ZNF439: variants seen among roughly 807,000 people sequenced by gnomAD.
The protein encoded by ZNF439 is zinc finger protein 439.
In ZNF439, 40 loss-of-function variants were observed where a neutral mutation model predicts 47.3. That is an observed-to-expected ratio of 0.85 (90% CI 0.66 to 1.10). The LOEUF is 1.10. Ranked by LOEUF, ZNF439 falls within the 50% of genes least tolerant of loss-of-function variation. ZNF439 has a pLI of 0.00. For missense variants in ZNF439, 556 were observed against 601.1 expected (o/e 0.93, Z 0.78); for synonymous variants, 171 against 198.8 (o/e 0.86, Z 1.18).
At chr19:11,862,745 G>GTT (rs1009880944) in intron 1 of ZNF439, among the ~76,000 whole-genome samples, 2 of 146,936 alleles carry the variant, frequency 1.4e-5, no homozygotes, top group East Asian at 2.0e-4. Flanking sequence ...GTTTTCTGTT[G>GTT]TTTTTTTTTT....
At chr19:11,851,560 C>G (rs1976241780) in intron 1 of ZNF439, among the ~76,000 whole-genome samples, 1 of 152,096 alleles carries the variant, frequency 6.6e-6, no homozygotes, top group South Asian at 2.1e-4. Context: ...CTCTGGCTCC[C>G]CTAGGCACCT....
chr19:11,858,481 AAAG>A (rs1271501358), intron 1 of ZNF439, among the ~76,000 whole-genome samples: 20 of 136,764 alleles, frequency 1.5e-4, no homozygotes, highest in African/African-American at 3.4e-4. Context: ...AAAAAAAAAA[AAAG>A]GGGGTCTATT....
intron 1 of ZNF439, chr19:11,855,894 C>T (rs1006569139): frequency 1.3e-5 from 2 of 152,328 alleles, no homozygotes; most frequent in African/African-American, 4.8e-5. Context: ...CGTCTTCACA[C>T]TCAGGCTCAG....
intron 1 of ZNF439, among the ~76,000 whole-genome samples, chr19:11,864,348 A>G (rs1018727383): frequency 6.6e-6 from 1 of 152,126 alleles, no homozygotes; most frequent in Non-Finnish European, 1.5e-5. Flanking sequence ...CCCAGGCTAG[A>G]GTGCAATGGT....
chr19:11,858,640 G>A (rs968883146), intron 1 of ZNF439, among the ~76,000 whole-genome samples: 8 of 152,122 alleles, frequency 5.3e-5, no homozygotes, highest in African/African-American at 1.4e-4. Context: ...ACAAACACTG[G>A]TGAATTCCAG....
intron 1 of ZNF439, among the ~76,000 whole-genome samples, chr19:11,863,152 CT>C (rs34655587): frequency 0.073 from 6,558 of 89,798 alleles, 50 homozygotes; most frequent in Non-Finnish European, 0.11. Flanking sequence ...AAAGATTTTG[CT>C]TTTTTTTTTT....
intron 1 of ZNF439, 31 bp from the exon 2 acceptor site, chr19:11,866,174 C>T (rs1976675971): frequency 6.2e-7 from 1 of 1,613,698 alleles, no homozygotes; most frequent in South Asian, 1.1e-5. Flanking sequence ...CACTCTCACC[C>T]ATCCTCCTCT....
At chr19:11,851,830 T>C (rs1976252055) in intron 1 of ZNF439, among the ~76,000 whole-genome samples, 1 of 152,090 alleles carries the variant, frequency 6.6e-6, no homozygotes, top group African/African-American at 2.4e-5. Context: ...TAATTTTTTA[T>C]GGAGGTGGGG....
chr19:11,851,726 C>T (rs574078555), intron 1 of ZNF439, among the ~76,000 whole-genome samples: 229 of 151,894 alleles, frequency 1.5e-3, no homozygotes, highest in Middle Eastern at 3.4e-3. Context: ...GGTGCCATCA[C>T]GGCTTACTGC....
At position 11,868,702 on chromosome 19, in the gene ZNF439, CT is replaced by C; in HGVS notation, c.*134del. The C allele has an allele frequency of 1.0e-6, 1 of 952,872 alleles. No individual in the cohort carries two copies. The highest frequency in any genetic ancestry group is 1.6e-6 in the Non-Finnish European group (1 of 622,488). 59.0% of individuals were successfully genotyped at this position (952,872 alleles called of 1,614,324 possible). On this transcript the variant is annotated 3_prime_UTR_variant, in exon 4 of 4. Transcript: ENST00000682736. The stretch of plus-strand genomic sequence containing the variant: ...TAATTGTTCCAGTTCCTTTCGATAT[CT>C]AAAAGGACTCACAGTGGAGAAAAAC...
At chr19:11,859,166 C>T (rs1976472520) in intron 1 of ZNF439, among the ~76,000 whole-genome samples, 1 of 152,198 alleles carries the variant, frequency 6.6e-6, no homozygotes, top group Non-Finnish European at 1.5e-5. Context: ...GAATCTGTTT[C>T]TTCACTGCCT....
At chr19:11,866,434 T>C (rs1014005741) in intron 2 of ZNF439, 103 bp downstream of exon 2, 12 of 1,603,184 alleles carry the variant, frequency 7.5e-6, no homozygotes, top group Admixed American at 1.7e-5. Flanking sequence ...AATACTTTGA[T>C]GAATAAATGA....
intron 1 of ZNF439, among the ~76,000 whole-genome samples, chr19:11,862,779 GCT>G (rs1976573512): frequency 6.7e-6 from 1 of 150,232 alleles, no homozygotes; most frequent in African/African-American, 2.5e-5. Context: ...ACGGAGTTTT[GCT>G]CTTTTTGCCC....
intron 1 of ZNF439, among the ~76,000 whole-genome samples, chr19:11,863,764 T>A (rs1568258940): frequency 6.6e-6 from 1 of 152,208 alleles, no homozygotes; most frequent in African/African-American, 2.4e-5. Context: ...GTTTTGCATT[T>A]TCCATTTAAG....
chr19:11,867,895 G>A lies in ZNF439; in HGVS notation c.841G>A (p.Gly281Arg). ...AAAGCCTTATGAATGTCAGGAATGTGGGAAAGCATTCCATAGTCCCAGATC... is the reference window on the plus strand; with the variant it reads ...AAAGCCTTATGAATGTCAGGAATGTAGGAAAGCATTCCATAGTCCCAGATC... ...GEKPYECQEC[G>R]KAFHSPRSCH... The change falls in exon 4 of 4, where the codon GGG becomes AGG. Residue 281 changes from glycine (G) to arginine (R), a missense_variant. Physicochemically the swap from Gly to Arg is moderately radical, Grantham distance 125. Transcript: ENST00000682736. 1 of 1,614,114 alleles carries A rather than the reference G, an allele frequency of 6.2e-7. No individual in the cohort carries two copies. The highest frequency in any genetic ancestry group is 8.5e-7 in the Non-Finnish European group (1 of 1,180,008).
At chr19:11,858,420 C>T (rs279209) in intron 1 of ZNF439, 24,499 of 149,550 alleles carry the variant, frequency 0.16, 2,604 homozygotes, top group African/African-American at 0.3. Context: ...GAGCCGAGAT[C>T]GCACCACTGC....
Position 11,868,530 on chromosome 19 carries a change from A to G in ZNF439, c.1476A>G (p.Thr492=). 2.5e-6 allele frequency: 4 copies of G among 1,613,064 alleles called. No homozygotes were observed. The highest frequency in any genetic ancestry group is 3.4e-6 in the Non-Finnish European group (4 of 1,179,466). The change falls in exon 4 of 4, where the codon ACA becomes ACG. Residue 492 remains threonine (T), a synonymous_variant. Coordinates refer to ENST00000682736, the MANE Select transcript of ZNF439 (RefSeq NM_001348719.2). ...YVQNFRFHER[T]QTHKNALWRK... is the part of the protein sequence containing the mutation. ...AGAACTTTCGATTTCATGAAAGGACACAAACACATAAGAATGCACTCTGGA... is the reference window on the plus strand; with the variant it reads ...AGAACTTTCGATTTCATGAAAGGACGCAAACACATAAGAATGCACTCTGGA...
In ZNF439 at chr19:11,868,577, A is replaced by T; in HGVS notation, c.*8A>T. On this transcript the variant is annotated 3_prime_UTR_variant, in exon 4 of 4. Transcript: ENST00000682736. ...TGGAGAAAGACCTTATAAATATAAG[A>T]TATATGGGAAACACTTTTATTCTGC... The T allele has an allele frequency of 6.3e-7, 1 of 1,592,450 alleles. No homozygotes were observed. Among genetic ancestry groups the T allele is most frequent in the Non-Finnish European group, 8.5e-7 (1 of 1,172,634 alleles).
chr19:11,858,197 G>T (rs113817871), intron 1 of ZNF439: 1 of 152,072 alleles, frequency 6.6e-6, no homozygotes, highest in African/African-American at 2.4e-5. Context: ...AATGGCTCAC[G>T]CCTGTAATCC....
Sources: gnomAD v4.1 joint callset for allele counts (sites outside exome capture counted in the v4.1 genomes callset) on GRCh38, gnomAD v4.1.1 for gene constraint, MANE v1.5 for transcripts, NCBI Gene and HGNC (gene_info 2026-07-23, HGNC 2026-07-21) for gene names.